The following ASPH variants were observed in gnomAD, a reference collection of about 807,000 sequenced individuals.
The protein encoded by ASPH is aspartate beta-hydroxylase, also known as aspartyl/asparaginyl beta-hydroxylase.
In ASPH, 100 loss-of-function variants were observed where a neutral mutation model predicts 118.4. That is an observed-to-expected ratio of 0.84 (90% CI 0.72 to 1.00). The LOEUF (loss-of-function observed/expected upper bound fraction) is 1.00, where lower values mean the gene tolerates loss of function less well. Ranked by LOEUF, ASPH falls within the 50% of genes least tolerant of loss-of-function variation. The pLI, the probability that ASPH is intolerant of heterozygous loss-of-function variation, is 0.00. For missense variants in ASPH, 920 were observed against 919.5 expected, an observed-to-expected ratio of 1.00 and a Z score of -0.01; for synonymous variants, 315 against 325.6, an observed-to-expected ratio of 0.97 and a Z score of 0.35.
chr8:61,589,525 A>G (rs2132865148), intron 14 of ASPH, among the ~76,000 whole-genome samples: 1 of 152,288 alleles, frequency 6.6e-6, no homozygotes, highest in South Asian at 2.1e-4. Context: ...CCTCAATGAC[A>G]TTGGAATATT....
intron 19 of ASPH, among the ~76,000 whole-genome samples, chr8:61,553,527 T>C (rs16927489): frequency 0.19 from 28,950 of 152,172 alleles, 5,138 homozygotes; most frequent in African/African-American, 0.46. Context: ...ACTGCTCATG[T>C]TTGAAGTGAT....
chr8:61,657,167 T>C (rs1374297657), intron 3 of ASPH: 1 of 152,174 alleles, frequency 6.6e-6, no homozygotes, highest in Admixed American at 6.5e-5. Context: ...CATAATACTT[T>C]GGCAAAAGGA....
At chr8:61,684,296 T>C (rs1217302674) in intron 1 of ASPH, 108 bp from the exon 2 acceptor site, 4 of 1,160,332 alleles carry the variant, frequency 3.4e-6, no homozygotes, top group Non-Finnish European at 4.7e-6. Flanking sequence ...TGATAGATCA[T>C]TTCAAAAACA....
chr8:61,501,352 A>G lies in ASPH; in HGVS notation c.*2007T>C, dbSNP rs1438938765. 1 of 152,182 alleles carries G rather than the reference A, an allele frequency of 6.6e-6. No individual in the cohort carries two copies. Among genetic ancestry groups the G allele is most frequent in the Admixed American group, 6.5e-5 (1 of 15,276 alleles). The allele number at this position is 152,182 out of a possible 1,614,324, so 9.4% of individuals were successfully genotyped here. ...CAGTAATACCATTTCTAGCTTTTCA[A>G]TTGGCAATACTTAGAACCTTACTGT... On this transcript the variant is annotated 3_prime_UTR_variant, in exon 25 of 25. Transcript: ENST00000379454.
In ASPH at chr8:61,501,411, CTAAGT is replaced by C. The variant is rs751106847; in HGVS notation, c.*1943_*1947del. ...GATTTTAAATACCATATTATATTTACTAAGTTAAGAGCTAGTTTTTACTCTCTTCC... is the reference window on the plus strand; with the variant it reads ...GATTTTAAATACCATATTATATTTACTAAGAGCTAGTTTTTACTCTCTTCC... On this transcript the variant is annotated 3_prime_UTR_variant, in exon 25 of 25. Transcript: ENST00000379454. The C allele has an allele frequency of 1.6e-4, 24 of 152,256 alleles. No individual in the cohort carries two copies. Among genetic ancestry groups the C allele is most frequent in the East Asian group, 1.2e-3 (6 of 5,190 alleles). 9.4% of individuals were successfully genotyped at this position (152,256 alleles called of 1,614,324 possible). A position where few individuals can be genotyped will look rare whatever the true frequency, so the allele number is the denominator to read the frequency against.
At chr8:61,682,534 A>C (rs763076538) in intron 2 of ASPH, 1 of 1,515,486 alleles carries the variant, frequency 6.6e-7, no homozygotes, top group South Asian at 1.1e-5. Flanking sequence ...AAAGGTACAA[A>C]TACTTAAAGT....
intron 14 of ASPH, among the ~76,000 whole-genome samples, chr8:61,593,397 GAAT>G (rs920425417): frequency 1.3e-5 from 2 of 152,202 alleles, no homozygotes; most frequent in Non-Finnish European, 2.9e-5. Context: ...CTACAGCTAA[GAAT>G]AATGGACTTC....
intron 3 of ASPH, among the ~76,000 whole-genome samples, chr8:61,679,442 T>C (rs754359218): frequency 6.6e-6 from 1 of 152,064 alleles, no homozygotes; most frequent in Non-Finnish European, 1.5e-5. Flanking sequence ...TCAAATACAC[T>C]AAAAATCAAG....
intron 3 of ASPH, chr8:61,663,546 A>G (rs1817988596): frequency 1.0e-6 from 1 of 985,298 alleles, no homozygotes; most frequent in Admixed American, 6.1e-5. Context: ...TTCCAGGTCT[A>G]GACTTGGGAT....
chr8:61,577,399 C>CAAAAAAAAAAAAAAAA (rs775523503), intron 15 of ASPH, among the ~76,000 whole-genome samples: 1 of 23,288 alleles, frequency 4.3e-5, no homozygotes, highest in African/African-American at 1.8e-4. Flanking sequence ...CCCAATCTCG[C>CAAAAAAAAAAAAAAAA]AAAAAAAAAA....
intron 13 of ASPH, chr8:61,628,445 A>C (rs1853996660): frequency 1.1e-5 from 3 of 279,178 alleles, no homozygotes; most frequent in Non-Finnish European, 2.1e-5. Context: ...CTGACACTAC[A>C]TGCGTGAACC....
In ASPH at chr8:61,555,271, A is replaced by G. The variant is rs548715180; in HGVS notation, c.1536+653T>C. 3.3e-5 allele frequency among the ~76,000 whole-genome samples: 5 copies of G among 151,994 alleles called. No individual in the cohort carries two copies. The East Asian group carries it at 9.7e-4, about 29-fold the overall frequency. Reference sequence around the variant, plus strand: ...ATATTTAATACATATGTGTATATATATATTTTATTTATTTATTTATTAATT... The same window carrying G: ...ATATTTAATACATATGTGTATATATGTATTTTATTTATTTATTTATTAATT... On this transcript the variant is annotated intron_variant, in intron 19 of 24. Coordinates refer to ENST00000379454, the MANE Select transcript of ASPH (RefSeq NM_004318.4).
intron 20 of ASPH, among the ~76,000 whole-genome samples, chr8:61,551,649 T>C (rs1826062429): frequency 6.6e-6 from 1 of 152,222 alleles, no homozygotes; most frequent in Admixed American, 6.5e-5. Flanking sequence ...AATCATAGGC[T>C]TCTTTCATCT....
chr8:61,548,097 C>A lies in ASPH; in HGVS notation c.1738G>T (p.Glu580Ter). ...TTTACTAACTCTGTGTAGCCCGTTTCTTTTGGGGTCCACCAAGGCTGTGCT... is the reference window on the plus strand; with the variant it reads ...TTTACTAACTCTGTGTAGCCCGTTTATTTTGGGGTCCACCAAGGCTGTGCT... ...LKAQPWWTPK[E>*]TGYTELVKSL... The change falls in exon 21 of 25, where the codon GAA (glutamate) becomes TAA (stop). Residue 580 changes from glutamate (E) to a stop codon, truncating the protein, a stop_gained. Coordinates refer to ENST00000379454, the MANE Select transcript of ASPH (RefSeq NM_004318.4). LOFTEE classifies it high-confidence loss of function. 6.2e-7 allele frequency: 1 copy of A among 1,613,814 alleles called. No individual in the cohort carries two copies. Among genetic ancestry groups the A allele is most frequent in the Non-Finnish European group, 8.5e-7 (1 of 1,179,810 alleles).
intron 1 of ASPH, among the ~76,000 whole-genome samples, chr8:61,697,184 A>G (rs1457772434): frequency 6.6e-6 from 1 of 152,236 alleles, no homozygotes; most frequent in African/African-American, 2.4e-5. Context: ...CTTACAGTTG[A>G]GTTAGTAGAA....
intron 21 of ASPH, among the ~76,000 whole-genome samples, chr8:61,532,267 C>T (rs1817867211): frequency 6.6e-6 from 1 of 152,098 alleles, no homozygotes; most frequent in Admixed American, 6.6e-5. Flanking sequence ...TTTTGATTCG[C>T]ATTTCTCTGA....
intron 14 of ASPH, among the ~76,000 whole-genome samples, chr8:61,618,743 G>A (rs549255586): frequency 6.6e-6 from 1 of 152,180 alleles, no homozygotes; most frequent in Admixed American, 6.5e-5. Flanking sequence ...AAGGACGCAA[G>A]AGTGCAAATG....
At chr8:61,621,523 C>T (rs1266870876) in intron 13 of ASPH, among the ~76,000 whole-genome samples, 1 of 152,102 alleles carries the variant, frequency 6.6e-6, no homozygotes, top group Non-Finnish European at 1.5e-5. Context: ...TCTGGGAGAC[C>T]TCATATGAAC....
intron 10 of ASPH, 77 bp downstream of exon 10, chr8:61,642,811 C>G (rs1376646009): frequency 4.6e-6 from 6 of 1,297,028 alleles, no homozygotes; most frequent in Non-Finnish European, 6.2e-6. Flanking sequence ...TGCCACTGCA[C>G]TGCAGCCTGG....
Sources: allele counts gnomAD v4.1 joint callset (sites outside exome capture counted in the v4.1 genomes callset), GRCh38; gene constraint gnomAD v4.1.1; transcripts MANE v1.5; gene names NCBI Gene and HGNC (gene_info 2026-07-23, HGNC 2026-07-21).